ZFPM2: variants seen among roughly 807,000 people sequenced by gnomAD.
ZFPM2 encodes the protein zinc finger protein, FOG family member 2.
ZFPM2 carries 20 observed loss-of-function variants against 98.6 expected under a neutral mutation model. That is an observed-to-expected ratio of 0.20 (90% CI 0.14 to 0.29). ZFPM2 has a LOEUF of 0.29. ZFPM2 is among the 10% of genes least tolerant of loss of function. The pLI is 1.00. For synonymous variants in ZFPM2, 518 were observed against 502.7 expected, an observed-to-expected ratio of 1.03 and a Z score of -0.41; for missense variants, 1,310 against 1,388.6, an observed-to-expected ratio of 0.94 and a Z score of 0.90.
chr8:105,395,300 G>A (rs549668874), intron 1 of ZFPM2, among the ~76,000 whole-genome samples: 16 of 152,132 alleles, frequency 1.1e-4, no homozygotes, highest in African/African-American at 3.9e-4. Flanking sequence ...TTGTTTTCAC[G>A]GAATAAATGT....
chr8:105,419,024 G>T, intron 1 of ZFPM2, 120 bp from the exon 2 acceptor site: 1 of 815,182 alleles, frequency 1.2e-6, no homozygotes, highest in Non-Finnish European at 1.9e-6. Flanking sequence ...CCCCTTGGTG[G>T]TACTACTTAG....
intron 1 of ZFPM2, among the ~76,000 whole-genome samples, chr8:105,346,299 G>C (rs149719208): frequency 6.6e-6 from 1 of 151,550 alleles, no homozygotes; most frequent in Non-Finnish European, 1.5e-5. Flanking sequence ...CAGGAGAATC[G>C]CTTGAACCCG....
At chr8:105,611,791 C>T (rs1193901761) in intron 4 of ZFPM2, among the ~76,000 whole-genome samples, 3 of 151,720 alleles carry the variant, frequency 2.0e-5, no homozygotes, top group Non-Finnish European at 4.4e-5. Flanking sequence ...TTCCACCTCC[C>T]GGGTTCAAGC....
At chr8:105,495,867 C>T (rs1427494478) in intron 3 of ZFPM2, among the ~76,000 whole-genome samples, 2 of 152,206 alleles carry the variant, frequency 1.3e-5, no homozygotes, top group Admixed American at 6.5e-5. Context: ...GTGTTTTTAT[C>T]ACACCACTAT....
At chr8:105,400,510 G>C (rs1305608163) in intron 1 of ZFPM2, among the ~76,000 whole-genome samples, 2 of 151,774 alleles carry the variant, frequency 1.3e-5, no homozygotes, top group East Asian at 1.9e-4. Flanking sequence ...TTTTTTAAAT[G>C]ATACAAAAGA....
intron 3 of ZFPM2, among the ~76,000 whole-genome samples, chr8:105,471,816 C>CT (rs1812909008): frequency 1.3e-5 from 2 of 152,266 alleles, no homozygotes; most frequent in South Asian, 4.2e-4. Context: ...AATTATAACT[C>CT]TATCAGAACA....
At chr8:105,699,996 A>G (rs894889347) in intron 5 of ZFPM2, among the ~76,000 whole-genome samples, 1 of 152,240 alleles carries the variant, frequency 6.6e-6, no homozygotes, top group Non-Finnish European at 1.5e-5. Flanking sequence ...CAAAGTAATT[A>G]AAATGTATGA....
intron 1 of ZFPM2, among the ~76,000 whole-genome samples, chr8:105,346,727 G>A (rs1388918684): frequency 1.3e-5 from 2 of 152,116 alleles, no homozygotes; most frequent in East Asian, 3.9e-4. Context: ...TGGAGACATT[G>A]TTTTGGGCCA....
At chr8:105,462,672 C>CT (rs1812724282) in intron 3 of ZFPM2, among the ~76,000 whole-genome samples, 1 of 152,104 alleles carries the variant, frequency 6.6e-6, no homozygotes, top group African/African-American at 2.4e-5. Context: ...GTGCCTGACA[C>CT]TAAGTGTTGT....
rs1171897855 is a variant in ZFPM2 at position 105,716,646 on chromosome 8, G to T, written c.533-72072G>T. ...TATTATCAAGGATTTCCCAGAATAG[G>T]TCTATTCTGTAAGATCCTCTTGATT... On this transcript the variant is annotated intron_variant, in intron 5 of 7. Coordinates refer to ENST00000407775, the MANE Select transcript of ZFPM2 (RefSeq NM_012082.4). Among the ~76,000 whole-genome samples, 5 of 151,924 alleles carry T rather than the reference G, an allele frequency of 3.3e-5. No individual in the cohort carries two copies. The South Asian group carries it at 8.3e-4, about 25-fold the overall frequency.
intron 3 of ZFPM2, among the ~76,000 whole-genome samples, chr8:105,474,605 G>T (rs1352656478): frequency 6.6e-6 from 1 of 151,820 alleles, no homozygotes; most frequent in Admixed American, 6.6e-5. Context: ...ATATAAAAAA[G>T]AATGAGAATT....
At chr8:105,348,059 G>A (rs879833707) in intron 1 of ZFPM2, among the ~76,000 whole-genome samples, 6 of 151,986 alleles carry the variant, frequency 3.9e-5, no homozygotes, top group African/African-American at 1.5e-4. Flanking sequence ...TTAAATGTTG[G>A]GACAAAATCG....
At chr8:105,414,066 T>A (rs1351771286) in intron 1 of ZFPM2, among the ~76,000 whole-genome samples, 1 of 151,964 alleles carries the variant, frequency 6.6e-6, no homozygotes, top group Non-Finnish European at 1.5e-5. Flanking sequence ...TTTTGCTAGG[T>A]GGCTAGTCTT....
intron 4 of ZFPM2, among the ~76,000 whole-genome samples, chr8:105,629,378 T>C (rs1396847228): frequency 2.0e-5 from 3 of 152,236 alleles, no homozygotes; most frequent in African/African-American, 7.2e-5. Context: ...TATTTGATGT[T>C]ATTTCAACTA....
chr8:105,626,486 G>A (rs901408615), intron 4 of ZFPM2, among the ~76,000 whole-genome samples: 1 of 152,098 alleles, frequency 6.6e-6, no homozygotes, highest in African/African-American at 2.4e-5. Flanking sequence ...ATTTTGTGTG[G>A]TTGTACAAGG....
At chr8:105,577,014 CAT>C (rs1283449496) in intron 4 of ZFPM2, among the ~76,000 whole-genome samples, 6 of 152,048 alleles carry the variant, frequency 3.9e-5, no homozygotes, top group Non-Finnish European at 8.8e-5. Flanking sequence ...TCCCTTATTT[CAT>C]AACTATTCTA....
At chr8:105,660,989 A>C (rs1044259327) in intron 5 of ZFPM2, among the ~76,000 whole-genome samples, 2 of 152,198 alleles carry the variant, frequency 1.3e-5, no homozygotes, top group Non-Finnish European at 2.9e-5. Flanking sequence ...TCACAACACC[A>C]GCAGGTGGGC....
At position 105,553,096 on chromosome 8, in the gene ZFPM2, C is replaced by T. The variant is rs1413314278; in HGVS notation, c.302-8267C>T. Among the ~76,000 whole-genome samples the T allele has an allele frequency of 2.0e-5, 3 of 152,076 alleles. No individual in the cohort carries two copies. The East Asian group carries it at 5.8e-4, about 29-fold the overall frequency. The stretch of plus-strand genomic sequence containing the variant: ...AAATTGCTGGGATTACAGACGTGAA[C>T]CATTGTACCCAGCCCATGGTGTTGT... On this transcript the variant is annotated intron_variant, in intron 3 of 7. Coordinates refer to ENST00000407775, the MANE Select transcript of ZFPM2 (RefSeq NM_012082.4).
chr8:105,607,508 T>C (rs187796094), intron 4 of ZFPM2, among the ~76,000 whole-genome samples: 29 of 152,228 alleles, frequency 1.9e-4, no homozygotes, highest in African/African-American at 6.3e-4. Context: ...TAAAAATCTA[T>C]AGGAGGAAGT....
Sources: allele counts gnomAD v4.1 joint callset (sites outside exome capture counted in the v4.1 genomes callset), GRCh38; gene constraint gnomAD v4.1.1; transcripts MANE v1.5; gene names NCBI Gene and HGNC (gene_info 2026-07-23, HGNC 2026-07-21).